Variants in TBC1D1 observed in about 807,000 individuals in gnomAD.
TBC1D1 encodes the protein TBC1 domain family member 1.
Under a neutral mutation model 125.6 loss-of-function variants are expected in TBC1D1, and 89 were observed. The ratio of observed to expected loss-of-function variants is 0.71; its 90% CI spans 0.60 to 0.85. The LOEUF (loss-of-function observed/expected upper bound fraction) is 0.85. Among genes scored for constraint, TBC1D1 ranks in the 40% least tolerant of loss-of-function variants. TBC1D1 has a pLI of 0.00. For synonymous variants in TBC1D1, 565 were observed against 564.1 expected, an observed-to-expected ratio of 1.00 and a Z score of -0.02; for missense variants, 1,377 against 1,469.2, an observed-to-expected ratio of 0.94 and a Z score of 1.03.
At chr4:38,027,917 G>A (rs1231015900) in intron 7 of TBC1D1, 38 bp downstream of exon 7, 1 of 1,450,426 alleles carries the variant, frequency 6.9e-7, no homozygotes, top group East Asian at 2.4e-5. Context: ...GGAAAGAAAA[G>A]GCAGGCAGCT....
intron 12 of TBC1D1, among the ~76,000 whole-genome samples, chr4:38,071,997 G>T (rs1051795620): frequency 6.6e-6 from 1 of 152,170 alleles, no homozygotes; most frequent in Non-Finnish European, 1.5e-5. Context: ...CCCTGGGGTT[G>T]GGCGGGTCTG....
rs770838882 is a variant in TBC1D1 at position 38,115,698 on chromosome 4, T to C, written c.2558-12T>C. Reference sequence around the variant, plus strand: ...TTTTTATTATTACAACTAATATGTATTCTTTTCACAGGGCGAACCTTTCCT... The same window carrying C: ...TTTTTATTATTACAACTAATATGTACTCTTTTCACAGGGCGAACCTTTCCT... On this transcript the variant is annotated splice_polypyrimidine_tract_variant and intron_variant, in intron 15 of 19. Coordinates refer to ENST00000261439, the MANE Select transcript of TBC1D1 (RefSeq NM_015173.4). The C allele has an allele frequency of 3.7e-6, 6 of 1,608,122 alleles. No individual in the cohort carries two copies. The highest frequency in any genetic ancestry group is 5.1e-6 in the Non-Finnish European group (6 of 1,177,042).
chr4:38,137,271 G>A lies in TBC1D1; in HGVS notation c.3443G>A (p.Arg1148Gln), dbSNP rs748410180. ...CTGCAGACGGTGGAGGAGCTGCGGC[G>A]GCGGAGCGCAGAGCCCAGCGACCGG... is the stretch of plus-strand genomic sequence containing the variant. The change falls in exon 20 of 20, where the codon CGG becomes CAG. Residue 1148 changes from arginine to glutamine, a missense_variant. Transcript: ENST00000261439. 3.7e-6 allele frequency: 6 copies of A among 1,611,764 alleles called. No homozygotes were observed. Among genetic ancestry groups the A allele is most frequent in the South Asian group, 2.2e-5 (2 of 90,988 alleles).
chr4:38,006,597 G>A (rs536195848), intron 2 of TBC1D1, among the ~76,000 whole-genome samples: 102 of 149,704 alleles, frequency 6.8e-4, no homozygotes, highest in African/African-American at 2.4e-3. Context: ...TCCTGCCTCA[G>A]CCTCCCGAGT....
chr4:38,088,281 G>A (rs554372064), intron 12 of TBC1D1, among the ~76,000 whole-genome samples: 6 of 152,218 alleles, frequency 3.9e-5, no homozygotes, highest in Non-Finnish European at 7.4e-5. Context: ...AGGGTTTGGG[G>A]GTGAAAGGAT....
intron 12 of TBC1D1, chr4:38,054,926 G>A (rs929104132): frequency 3.9e-5 from 6 of 153,560 alleles, no homozygotes; most frequent in African/African-American, 1.4e-4. Context: ...AGCGTGCGCA[G>A]GGTGTTTACT....
intron 14 of TBC1D1, among the ~76,000 whole-genome samples, chr4:38,100,752 A>C (rs1206735153): frequency 2.6e-5 from 4 of 152,226 alleles, no homozygotes; most frequent in African/African-American, 4.8e-5. Context: ...GAAAGTACTT[A>C]CTACACAGTA....
intron 15 of TBC1D1, among the ~76,000 whole-genome samples, chr4:38,107,309 C>A (rs1020074361): frequency 6.6e-6 from 1 of 152,242 alleles, no homozygotes; most frequent in African/African-American, 2.4e-5. Context: ...TTACCTCCCC[C>A]ACTCCTCTCA....
chr4:38,072,067 GTTCC>G (rs1462650868), intron 12 of TBC1D1, among the ~76,000 whole-genome samples: 2 of 152,182 alleles, frequency 1.3e-5, no homozygotes, highest in African/African-American at 2.4e-5. Flanking sequence ...ACCCACCCCT[GTTCC>G]TTCCTTTGTG....
chr4:38,010,007 A>G (rs1442179334), intron 2 of TBC1D1, among the ~76,000 whole-genome samples: 2 of 152,234 alleles, frequency 1.3e-5, no homozygotes, highest in Non-Finnish European at 2.9e-5. Context: ...GATTTTCACT[A>G]AAAGTACCCA....
At chr4:37,955,549 T>A (rs1216698209) in intron 2 of TBC1D1, among the ~76,000 whole-genome samples, 1 of 152,206 alleles carries the variant, frequency 6.6e-6, no homozygotes, top group South Asian at 2.1e-4. Context: ...AGGGAATAGT[T>A]ATAAGAAAAA....
chr4:38,107,399 A>G (rs1204494801), intron 15 of TBC1D1, among the ~76,000 whole-genome samples: 1 of 152,242 alleles, frequency 6.6e-6, no homozygotes, highest in Non-Finnish European at 1.5e-5. Context: ...CTCAAGGCCC[A>G]GTGAAGGTGT....
intron 13 of TBC1D1, among the ~76,000 whole-genome samples, chr4:38,091,826 A>G (rs936341639): frequency 6.6e-6 from 1 of 152,254 alleles, no homozygotes; most frequent in Non-Finnish European, 1.5e-5. Context: ...CAGGTGTTGC[A>G]TTAAGTTTAC....
intron 2 of TBC1D1, among the ~76,000 whole-genome samples, chr4:38,008,153 G>C (rs1740729494): frequency 6.6e-6 from 1 of 152,246 alleles, no homozygotes; most frequent in South Asian, 2.1e-4. Flanking sequence ...TGAATATTCA[G>C]TGATTCCATG....
chr4:38,066,859 A>G (rs922355210), intron 12 of TBC1D1, among the ~76,000 whole-genome samples: 2 of 152,182 alleles, frequency 1.3e-5, no homozygotes, highest in African/African-American at 4.8e-5. Flanking sequence ...AAATATTTGC[A>G]GCATGAGTAC....
At chr4:38,080,619 C>T (rs770410704) in intron 12 of TBC1D1, among the ~76,000 whole-genome samples, 3 of 152,228 alleles carry the variant, frequency 2.0e-5, no homozygotes, top group Non-Finnish European at 4.4e-5. Context: ...CCTTCCCAGT[C>T]GTGTGTCAGA....
chr4:38,050,517 AAGAGT>A (rs1362716691), intron 11 of TBC1D1, among the ~76,000 whole-genome samples: 1 of 152,192 alleles, frequency 6.6e-6, no homozygotes, highest in Non-Finnish European at 1.5e-5. Flanking sequence ...GGTTATGGAG[AAGAGT>A]AATCAGAAGT....
intron 1 of TBC1D1, among the ~76,000 whole-genome samples, chr4:37,901,534 G>T (rs1309944404): frequency 3.3e-5 from 5 of 152,154 alleles, no homozygotes; most frequent in Non-Finnish European, 5.9e-5. Flanking sequence ...ATAAAACAGT[G>T]TTTAAGACAA....
chr4:38,013,222 CAG>C (rs68089579), intron 2 of TBC1D1, among the ~76,000 whole-genome samples: 3 of 152,114 alleles, frequency 2.0e-5, no homozygotes, highest in African/African-American at 4.8e-5. Flanking sequence ...ATCTTTATGA[CAG>C]AGAGATCTTT....
Sources: allele counts gnomAD v4.1 joint callset (sites outside exome capture counted in the v4.1 genomes callset), GRCh38; gene constraint gnomAD v4.1.1; transcripts MANE v1.5; gene names NCBI Gene and HGNC (gene_info 2026-07-23, HGNC 2026-07-21).